Variants in TRDN observed in about 807,000 individuals in gnomAD.
TRDN encodes the protein triadin in skeletal muscle.
In TRDN, 161 loss-of-function variants were observed where a neutral mutation model predicts 149.7. That is an observed-to-expected ratio of 1.08 (90% CI 0.95 to 1.23). The LOEUF is 1.23. Among genes scored for constraint, TRDN ranks in the 50% most tolerant of loss-of-function variants. The probability of loss-of-function intolerance (pLI) is 0.00; values close to 1 mark genes in which losing one functional copy is unlikely to be tolerated. For missense variants in TRDN, 896 were observed against 823.5 expected, an observed-to-expected ratio of 1.09 and a Z score of -1.08; for synonymous variants, 294 against 250.5, an observed-to-expected ratio of 1.17 and a Z score of -1.64.
rs1225210310 is a variant in TRDN at position 123,224,084 on chromosome 6, C to A, written c.2014+9G>T. 1 of 1,608,710 alleles carries A rather than the reference C, an allele frequency of 6.2e-7. No homozygotes were observed. ...AAACTTGTAAATGATCCAAAGACAG[C>A]AAACTCACCTTTAGCTTTCTTTGAA... On this transcript the variant is annotated intron_variant, in intron 39 of 40. Transcript: ENST00000334268.
At chr6:123,240,341 GA>G (rs529732882) in intron 38 of TRDN, among the ~76,000 whole-genome samples, 37 of 151,274 alleles carry the variant, frequency 2.4e-4, no homozygotes, top group Middle Eastern at 3.8e-3. Context: ...TGAAAGCTAT[GA>G]AAAAAAATTA....
chr6:123,279,023 CG>C, intron 25 of TRDN, 32 bp downstream of exon 25: 1 of 1,591,936 alleles, frequency 6.3e-7, no homozygotes. Context: ...TACATATGTA[CG>C]TGTTTGTTTA....
intron 9 of TRDN, among the ~76,000 whole-genome samples, chr6:123,494,797 G>A (rs77463015): frequency 0.023 from 3,503 of 151,984 alleles, 115 homozygotes; most frequent in East Asian, 0.094. Context: ...ACAGTGGCGA[G>A]ATCTCGGCTC....
intron 20 of TRDN, among the ~76,000 whole-genome samples, chr6:123,361,112 C>T (rs769823410): frequency 2.0e-5 from 3 of 152,154 alleles, no homozygotes; most frequent in East Asian, 1.9e-4. Flanking sequence ...ATAGGATTGC[C>T]GTGTCAAACA....
chr6:123,366,298 C>A (rs771657875), intron 19 of TRDN, 116 bp from the exon 20 acceptor site: 1 of 945,342 alleles, frequency 1.1e-6, no homozygotes, highest in Non-Finnish European at 1.5e-6. Flanking sequence ...GAGAGCAAAG[C>A]AAGCTGTAGA....
At chr6:123,229,260 A>G (rs1452606115) in intron 38 of TRDN, among the ~76,000 whole-genome samples, 1 of 151,860 alleles carries the variant, frequency 6.6e-6, no homozygotes, top group Non-Finnish European at 1.5e-5. Context: ...ACTCTTCAAT[A>G]CTTATTTAAT....
At chr6:123,325,780 T>C (rs1453031549) in intron 23 of TRDN, among the ~76,000 whole-genome samples, 1 of 152,092 alleles carries the variant, frequency 6.6e-6, no homozygotes, top group African/African-American at 2.4e-5. Context: ...TATGTTGAAT[T>C]AACTTATTCT....
intron 24 of TRDN, among the ~76,000 whole-genome samples, chr6:123,300,671 T>A (rs773253159): frequency 2.6e-5 from 4 of 151,968 alleles, no homozygotes; most frequent in Non-Finnish European, 5.9e-5. Context: ...ACTATAGCAC[T>A]CAAGTCACAT....
chr6:123,304,252 C>CTTTTTTTTTTTTTTTTTTTT (rs71649806), intron 24 of TRDN, among the ~76,000 whole-genome samples: 1 of 128,956 alleles, frequency 7.8e-6, no homozygotes, highest in Non-Finnish European at 1.6e-5. Flanking sequence ...CTTTTATTTT[C>CTTTTTTTTTTTTTTTTTTTT]TTTTTTTTTT....
intron 12 of TRDN, among the ~76,000 whole-genome samples, chr6:123,400,899 A>C (rs1772941626): frequency 6.6e-6 from 1 of 152,224 alleles, no homozygotes; most frequent in Non-Finnish European, 1.5e-5. Context: ...GTGTGAATGT[A>C]GTCCTCTGAA....
At chr6:123,366,778 A>G (rs1781118860) in intron 19 of TRDN, among the ~76,000 whole-genome samples, 1 of 152,174 alleles carries the variant, frequency 6.6e-6, no homozygotes, top group African/African-American at 2.4e-5. Flanking sequence ...TCAGCCTCCC[A>G]AAGTGCTGGG....
chr6:123,393,785 T>C (rs2114462119), intron 12 of TRDN, 108 bp from the exon 13 acceptor site: 1 of 1,056,524 alleles, frequency 9.5e-7, no homozygotes, highest in East Asian at 2.6e-5. Context: ...AAAGTGTTGC[T>C]TTTGACACGA....
At chr6:123,298,047 A>T (rs967316325) in intron 24 of TRDN, among the ~76,000 whole-genome samples, 2 of 152,094 alleles carry the variant, frequency 1.3e-5, no homozygotes, top group Non-Finnish European at 2.9e-5. Flanking sequence ...ATACATAAAC[A>T]TTACATTAAT....
At chr6:123,499,515 C>T (rs1778587897) in intron 8 of TRDN, among the ~76,000 whole-genome samples, 1 of 150,344 alleles carries the variant, frequency 6.7e-6, no homozygotes, top group African/African-American at 2.4e-5. Context: ...GCCAGCCTAG[C>T]CAGCATAGTG....
intron 1 of TRDN, among the ~76,000 whole-genome samples, chr6:123,605,318 T>C (rs899525158): frequency 2.0e-5 from 3 of 149,366 alleles, no homozygotes; most frequent in Middle Eastern, 3.5e-3. Context: ...TAAACATATA[T>C]GTATAAAATA....
intron 10 of TRDN, among the ~76,000 whole-genome samples, chr6:123,459,263 A>G (rs1309636820): frequency 6.6e-6 from 1 of 152,174 alleles, no homozygotes; most frequent in Non-Finnish European, 1.5e-5. Context: ...ACATTAATCA[A>G]GCCCCATGTC....
rs114778234 is a variant in TRDN, at chr6:123,601,746, A to G, written c.23-30614T>C. ...CTGGGGAACTCTAAGCTGGCAGGTA[A>G]CAAAAGACCACTTCAAAAGTTTTTA... is the stretch of plus-strand genomic sequence containing the variant. On this transcript the variant is annotated intron_variant, in intron 1 of 40. Coordinates refer to ENST00000334268, the MANE Select transcript of TRDN (RefSeq NM_006073.4). Among the ~76,000 whole-genome samples the G allele has an allele frequency of 2.6e-3, 391 of 152,294 alleles. 4 individuals are homozygous for G. Among genetic ancestry groups the G allele is most frequent in the African/African-American group, 9.2e-3 (383 of 41,572 alleles).
At chr6:123,593,326 G>A (rs369418194) in intron 1 of TRDN, among the ~76,000 whole-genome samples, 37 of 152,236 alleles carry the variant, frequency 2.4e-4, no homozygotes, top group African/African-American at 6.3e-4. Flanking sequence ...AGAGCACTTC[G>A]GTAATAAAAT....
chr6:123,269,816 T>A, intron 31 of TRDN, 33 bp downstream of exon 31: 1 of 1,605,326 alleles, frequency 6.2e-7, no homozygotes, highest in Non-Finnish European at 8.5e-7. Context: ...GGTCAAGCGA[T>A]ATTTCTCAGG....
Sources: gnomAD v4.1 joint callset for allele counts (sites outside exome capture counted in the v4.1 genomes callset) on GRCh38, gnomAD v4.1.1 for gene constraint, MANE v1.5 for transcripts, NCBI Gene and HGNC (gene_info 2026-07-23, HGNC 2026-07-21) for gene names.